Variants in ITPR1 observed in about 807,000 individuals in gnomAD.
ITPR1 encodes inositol 1,4,5-trisphosphate-gated calcium channel ITPR1.
A neutral mutation model predicts 318.4 loss-of-function variants in ITPR1; 96 were observed. The observed-to-expected ratio is 0.30, with a 90% CI of 0.26 to 0.36. The LOEUF is 0.36. ITPR1 is among the 10% of genes least tolerant of loss of function. The probability of loss-of-function intolerance (pLI) is 1.00; values close to 1 mark genes in which losing one functional copy is unlikely to be tolerated. For synonymous variants in ITPR1, 1,312 were observed against 1,289.9 expected (o/e 1.02, Z -0.37); for missense variants, 2,440 against 3,460.2 (o/e 0.71, Z 7.40).
chr3:4,690,441 A>G (rs2094462701), intron 31 of ITPR1, among the ~76,000 whole-genome samples: 1 of 152,228 alleles, frequency 6.6e-6, no homozygotes, highest in Non-Finnish European at 1.5e-5. Context: ...TGTGGCTAAA[A>G]TTTAAAAGAC....
At chr3:4,744,425 T>TC (rs1575096641) in intron 44 of ITPR1, among the ~76,000 whole-genome samples, 1 of 152,202 alleles carries the variant, frequency 6.6e-6, no homozygotes, top group Non-Finnish European at 1.5e-5. Flanking sequence ...TGGTCAGTCT[T>TC]CCTCTGGAGG....
chr3:4,616,215 A>G (rs1472968974), intron 4 of ITPR1, among the ~76,000 whole-genome samples: 1 of 152,198 alleles, frequency 6.6e-6, no homozygotes, highest in Non-Finnish European at 1.5e-5. Flanking sequence ...TACCTTGACT[A>G]TCCATTCATT....
At chr3:4,754,696 A>C (rs2044818615) in intron 44 of ITPR1, among the ~76,000 whole-genome samples, 1 of 152,210 alleles carries the variant, frequency 6.6e-6, no homozygotes, top group Non-Finnish European at 1.5e-5. Flanking sequence ...TTTGCTTTAG[A>C]GTACCTTTTT....
At position 4,787,996 on chromosome 3, in the gene ITPR1, G is replaced by A. The variant is rs773955902; in HGVS notation, c.6665G>A (p.Ser2222Asn). The A allele has an allele frequency of 1.4e-5, 22 of 1,612,810 alleles. No homozygotes were observed. In the South Asian group the frequency reaches 2.2e-4, roughly 16 times the overall value. The change falls in exon 52 of 62, where the codon AGC becomes AAC. Residue 2222 changes from serine (S) to asparagine (N), a missense_variant. Transcript: ENST00000649015. ...GAACAGATAGTCTTTCCCGTGCCCAGCATATGTGAATTCCTAACCAAGGAG... is the reference window on the plus strand; with the variant it reads ...GAACAGATAGTCTTTCCCGTGCCCAACATATGTGAATTCCTAACCAAGGAG... Reference protein sequence around the residue: ...TMEQIVFPVPSICEFLTKESK... With the variant: ...TMEQIVFPVPNICEFLTKESK...
intron 61 of ITPR1, among the ~76,000 whole-genome samples, chr3:4,844,178 T>A (rs2106556493): frequency 6.7e-6 from 1 of 149,224 alleles, no homozygotes; most frequent in East Asian, 2.0e-4. Context: ...TGGAGTGCAG[T>A]GGCATCATCA....
chr3:4,822,380 C>CA (rs1278730263), intron 60 of ITPR1, among the ~76,000 whole-genome samples: 1 of 152,204 alleles, frequency 6.6e-6, no homozygotes, highest in East Asian at 1.9e-4. Flanking sequence ...TCAGAGTGGG[C>CA]ATCTTGACTC....
intron 12 of ITPR1, among the ~76,000 whole-genome samples, chr3:4,657,414 A>G (rs1347455750): frequency 7.7e-6 from 1 of 129,862 alleles, no homozygotes; most frequent in South Asian, 2.2e-4. Flanking sequence ...TTTTTTAATC[A>G]TCTGGAGCAC....
chr3:4,599,296 G>C (rs79624601), intron 4 of ITPR1, among the ~76,000 whole-genome samples: 3,333 of 152,302 alleles, frequency 0.022, 110 homozygotes, highest in African/African-American at 0.076. Context: ...CAAATCAGCA[G>C]CTCATAGGCT....
intron 4 of ITPR1, among the ~76,000 whole-genome samples, chr3:4,606,084 C>T (rs1160472934): frequency 6.6e-6 from 1 of 152,054 alleles, no homozygotes; most frequent in Non-Finnish European, 1.5e-5. Context: ...AGAGCCTTCC[C>T]CACTGAATAA....
intron 29 of ITPR1, among the ~76,000 whole-genome samples, chr3:4,684,684 C>G (rs374046590): frequency 2.0e-5 from 3 of 152,280 alleles, no homozygotes; most frequent in Non-Finnish European, 1.5e-5. Context: ...ACACAGTGTC[C>G]CCACTGAGAG....
chr3:4,771,179 C>T (rs1034166810), intron 46 of ITPR1, among the ~76,000 whole-genome samples: 9 of 152,294 alleles, frequency 5.9e-5, no homozygotes, highest in African/African-American at 1.7e-4. Flanking sequence ...GTGCCCAGCA[C>T]CCATGGTGAC....
chr3:4,693,684 C>T lies in ITPR1; in HGVS notation c.4224C>T (p.Ser1408=). 1 of 1,614,056 alleles carries T rather than the reference C, an allele frequency of 6.2e-7. No individual in the cohort carries two copies. Among genetic ancestry groups the T allele is most frequent in the Non-Finnish European group, 8.5e-7 (1 of 1,179,928 alleles). The change falls in exon 33 of 62, where the codon TCC becomes TCT. Residue 1408 remains serine (S), a synonymous_variant. Transcript: ENST00000649015. The part of the protein sequence containing the change: ...KNVYTEIKCN[S]LLPLDDIVRV... ...TCTACACAGAGATCAAGTGCAACTC[C>T]CTGCTCCCGCTGGATGACATCGTTC... is the stretch of plus-strand genomic sequence containing the variant.
intron 2 of ITPR1, among the ~76,000 whole-genome samples, chr3:4,515,587 G>T (rs1041548090): frequency 6.6e-6 from 1 of 152,100 alleles, no homozygotes; most frequent in Non-Finnish European, 1.5e-5. Flanking sequence ...TTTACAATTG[G>T]TTCCCACTCC....
chr3:4,650,647 G>GT, intron 10 of ITPR1, among the ~76,000 whole-genome samples: 1 of 29,746 alleles, frequency 3.4e-5, no homozygotes, highest in South Asian at 1.8e-3. Flanking sequence ...GTGTGTGTGC[G>GT]CGCGTCTGTC....
intron 46 of ITPR1, among the ~76,000 whole-genome samples, chr3:4,772,232 G>A (rs2046233646): frequency 6.6e-6 from 1 of 152,240 alleles, no homozygotes; most frequent in Admixed American, 6.5e-5. Flanking sequence ...TCGGAGGGAA[G>A]GAGAAGGCAT....
intron 2 of ITPR1, among the ~76,000 whole-genome samples, chr3:4,500,075 G>C (rs1310673753): frequency 1.3e-5 from 2 of 152,228 alleles, no homozygotes; most frequent in Admixed American, 1.3e-4. Flanking sequence ...AGCCCTTGTT[G>C]TCTTTGCTAG....
chr3:4,756,309 T>C (rs2044981417), intron 44 of ITPR1, among the ~76,000 whole-genome samples: 1 of 149,182 alleles, frequency 6.7e-6, no homozygotes, highest in African/African-American at 2.4e-5. Context: ...TTATAGCTAG[T>C]GAAATTTCAG....
At chr3:4,648,170 AG>A (rs1320025084) in intron 10 of ITPR1, among the ~76,000 whole-genome samples, 3 of 152,104 alleles carry the variant, frequency 2.0e-5, no homozygotes, top group Non-Finnish European at 4.4e-5. Context: ...AAAAGGATCA[AG>A]TTCATCTTGG....
At chr3:4,617,345 T>A (rs2092426322) in intron 4 of ITPR1, among the ~76,000 whole-genome samples, 1 of 152,144 alleles carries the variant, frequency 6.6e-6, no homozygotes, top group Non-Finnish European at 1.5e-5. Flanking sequence ...TGGTGTCTGG[T>A]GATGGCCTGG....
Sources: allele counts gnomAD v4.1 joint callset (sites outside exome capture counted in the v4.1 genomes callset), GRCh38; gene constraint gnomAD v4.1.1; transcripts MANE v1.5; gene names NCBI Gene and HGNC (gene_info 2026-07-23, HGNC 2026-07-21).